Variants in FGFR2 observed in about 807,000 individuals in gnomAD.
The protein encoded by FGFR2 is BEK fibroblast growth factor receptor.
A neutral mutation model predicts 95.9 loss-of-function variants in FGFR2; 19 were observed. That is an observed-to-expected ratio of 0.20 (90% CI 0.14 to 0.29). FGFR2 has a LOEUF of 0.29. FGFR2 is among the 10% of genes least tolerant of loss of function. The pLI is 1.00. For missense variants in FGFR2, 707 were observed against 1,056.9 expected, an observed-to-expected ratio of 0.67 and a Z score of 4.59; for synonymous variants, 392 against 393.3, an observed-to-expected ratio of 1.00 and a Z score of 0.04.
At chr10:121,549,115 C>T (rs1367497966) in intron 5 of FGFR2, among the ~76,000 whole-genome samples, 3 of 152,100 alleles carry the variant, frequency 2.0e-5, no homozygotes, top group Non-Finnish European at 2.9e-5. Context: ...GCCCACCATG[C>T]GTTCTTAGAA....
In FGFR2 at chr10:121,581,165, G is replaced by A. The variant is rs151269888; in HGVS notation, c.109+12544C>T. On this transcript the variant is annotated intron_variant, in intron 2 of 17. Coordinates refer to ENST00000358487, the MANE Select transcript of FGFR2 (RefSeq NM_000141.5). ...GGAGGCCGCCGGGATGCCCTTGACCGGCCTCCTCACTCGCCACACCTTCAA... is the reference window on the plus strand; with the variant it reads ...GGAGGCCGCCGGGATGCCCTTGACCAGCCTCCTCACTCGCCACACCTTCAA... Among the ~76,000 whole-genome samples, 201 of 152,318 alleles carry A rather than the reference G, an allele frequency of 1.3e-3. 2 individuals carry two copies. Among genetic ancestry groups the A allele is most frequent in the African/African-American group, 4.5e-3 (186 of 41,576 alleles).
intron 5 of FGFR2, among the ~76,000 whole-genome samples, chr10:121,543,827 G>T (rs1018556954): frequency 1.3e-5 from 2 of 152,176 alleles, no homozygotes; most frequent in African/African-American, 4.8e-5. Flanking sequence ...ACAACCACTG[G>T]ATCTCTCCAG....
intron 17 of FGFR2, among the ~76,000 whole-genome samples, chr10:121,481,586 C>T (rs922282679): frequency 3.3e-5 from 5 of 152,196 alleles, no homozygotes; most frequent in Admixed American, 1.3e-4. Flanking sequence ...ATGATAAAAA[C>T]GAAATTTTGT....
At position 121,597,989 on chromosome 10, in the gene FGFR2, T is replaced by C; in HGVS notation, c.-178A>G. 2.5e-6 allele frequency: 1 copy of C among 394,788 alleles called. No homozygotes were observed. The highest frequency in any genetic ancestry group is 4.5e-6 in the Non-Finnish European group (1 of 223,574). 24.5% of individuals were successfully genotyped at this position (394,788 alleles called of 1,614,324 possible). A position where few individuals can be genotyped will look rare whatever the true frequency, so the allele number is the denominator to read the frequency against. On this transcript the variant is annotated 5_prime_UTR_variant, in exon 1 of 18. Coordinates refer to ENST00000358487, the MANE Select transcript of FGFR2 (RefSeq NM_000141.5). ...TGAATGGCAACGCTCCTCCGCGACC[T>C]GTGTTGTCCCCGCGCCCCGCGTGGG...
chr10:121,552,094 G>C (rs974368937), intron 4 of FGFR2, among the ~76,000 whole-genome samples: 1 of 151,764 alleles, frequency 6.6e-6, no homozygotes, highest in Non-Finnish European at 1.5e-5. Context: ...TTCCAATGGT[G>C]GTTATGAATG....
chr10:121,577,953 T>C (rs1426731435), intron 2 of FGFR2, among the ~76,000 whole-genome samples: 5 of 152,028 alleles, frequency 3.3e-5, no homozygotes. Context: ...GAAGCCCCTC[T>C]TTTCCTCTGG....
intron 8 of FGFR2, among the ~76,000 whole-genome samples, chr10:121,515,886 A>G (rs1185081086): frequency 6.6e-6 from 1 of 150,482 alleles, no homozygotes; most frequent in East Asian, 1.9e-4. Flanking sequence ...CATCTAGTCC[A>G]TAAACAAACC....
intron 10 of FGFR2, among the ~76,000 whole-genome samples, chr10:121,501,763 A>C (rs1847635296): frequency 6.6e-6 from 1 of 152,220 alleles, no homozygotes; most frequent in African/African-American, 2.4e-5. Context: ...GCAAAAGTGC[A>C]GCATAAAGAC....
intron 4 of FGFR2, among the ~76,000 whole-genome samples, chr10:121,559,180 C>T (rs995084377): frequency 6.7e-6 from 1 of 149,190 alleles, no homozygotes; most frequent in African/African-American, 2.5e-5. Context: ...GTCACTGGAG[C>T]ATCATTTGTC....
chr10:121,573,691 A>G (rs969086982), intron 2 of FGFR2, among the ~76,000 whole-genome samples: 32 of 151,900 alleles, frequency 2.1e-4, no homozygotes, highest in Non-Finnish European at 1.9e-4. Flanking sequence ...GGGCAGAGAG[A>G]AGAGGCAGGT....
intron 5 of FGFR2, among the ~76,000 whole-genome samples, chr10:121,550,804 G>A (rs1403253812): frequency 6.6e-6 from 1 of 152,000 alleles, no homozygotes; most frequent in Admixed American, 6.6e-5. Flanking sequence ...AAAATTACAC[G>A]CAAGTCCGGG....
intron 6 of FGFR2, chr10:121,527,863 G>A (rs1418017100): frequency 6.6e-6 from 1 of 152,232 alleles, no homozygotes; most frequent in Non-Finnish European, 1.5e-5. Context: ...ACAGCTGAGA[G>A]CGTTCATGCC....
intron 4 of FGFR2, among the ~76,000 whole-genome samples, chr10:121,560,219 G>T (rs372515151): frequency 8.9e-4 from 136 of 152,246 alleles, no homozygotes; most frequent in African/African-American, 3.2e-3. Flanking sequence ...CACCTGATCG[G>T]GTTATTGGTG....
intron 13 of FGFR2, among the ~76,000 whole-genome samples, chr10:121,491,508 C>T (rs1231015561): frequency 6.6e-6 from 1 of 152,122 alleles, no homozygotes; most frequent in Non-Finnish European, 1.5e-5. Flanking sequence ...ACATCGAATT[C>T]CTGCGGCAAC....
intron 13 of FGFR2, among the ~76,000 whole-genome samples, chr10:121,493,950 C>T (rs1846457096): frequency 6.6e-6 from 1 of 152,014 alleles, no homozygotes; most frequent in African/African-American, 2.4e-5. Flanking sequence ...TTCTCTCCCT[C>T]CTATCTAATC....
chr10:121,541,018 A>G (rs1454234922), intron 5 of FGFR2, among the ~76,000 whole-genome samples: 4 of 152,178 alleles, frequency 2.6e-5, no homozygotes, highest in Non-Finnish European at 5.9e-5. Context: ...GGTCAGCTCA[A>G]GTCTCTCACT....
chr10:121,564,320 A>C (rs2135082414), intron 4 of FGFR2, 182 bp downstream of exon 4: 1 of 631,266 alleles, frequency 1.6e-6, no homozygotes, highest in Middle Eastern at 4.3e-4. Context: ...ACGATAGAGA[A>C]GGCTGTGCAG....
intron 4 of FGFR2, among the ~76,000 whole-genome samples, chr10:121,556,994 C>T (rs1040042316): frequency 1.3e-5 from 2 of 152,174 alleles, no homozygotes; most frequent in Admixed American, 6.5e-5. Flanking sequence ...TAACAAAATA[C>T]GGAGATGTGA....
chr10:121,552,431 G>T (rs1855538891), intron 4 of FGFR2, among the ~76,000 whole-genome samples: 1 of 152,186 alleles, frequency 6.6e-6, no homozygotes, highest in Non-Finnish European at 1.5e-5. Context: ...CAACAAGAAA[G>T]GCACTATCAT....
Sources: gnomAD v4.1 joint callset for allele counts (sites outside exome capture counted in the v4.1 genomes callset) on GRCh38, gnomAD v4.1.1 for gene constraint, MANE v1.5 for transcripts, NCBI Gene and HGNC (gene_info 2026-07-23, HGNC 2026-07-21) for gene names.